ITGB2: variants seen among roughly 807,000 people sequenced by gnomAD.
ITGB2 encodes the protein integrin beta-2.
In ITGB2, 56 loss-of-function variants were observed where a neutral mutation model predicts 86.8. The ratio of observed to expected loss-of-function variants is 0.65; its 90% confidence interval spans 0.52 to 0.81. The LOEUF (loss-of-function observed/expected upper bound fraction) is 0.81, where lower values mean the gene tolerates loss of function less well. Ranked by LOEUF, ITGB2 falls within the 30% of genes least tolerant of loss-of-function variation. The probability of loss-of-function intolerance (pLI) is 0.00; values close to 1 mark genes in which losing one functional copy is unlikely to be tolerated. For missense variants in ITGB2, 948 were observed against 1,061.2 expected, an observed-to-expected ratio of 0.89 and a Z score of 1.48; for synonymous variants, 457 against 450.4, an observed-to-expected ratio of 1.01 and a Z score of -0.19.
chr21:44,889,122 C>G (rs556820920), intron 13 of ITGB2, 154 bp downstream of exon 13: 2 of 757,034 alleles, frequency 2.6e-6, no homozygotes, highest in Non-Finnish European at 4.4e-6. Context: ...CACAGGGGCA[C>G]GGCGGCCGCG....
chr21:44,927,201 G>T (rs4818984), intron 1 of ITGB2, among the ~76,000 whole-genome samples: 1 of 152,062 alleles, frequency 6.6e-6, no homozygotes, highest in African/African-American at 2.4e-5. Context: ...CCCCATAGGA[G>T]CAGGGTTTGA....
At position 44,886,739 on chromosome 21, in the gene ITGB2, G is replaced by A. The variant is rs1215883082; in HGVS notation, c.2244C>T (p.Asn748=). 1 of 1,614,074 alleles carries A rather than the reference G, an allele frequency of 6.2e-7. No individual in the cohort carries two copies. Among genetic ancestry groups the A allele is most frequent in the Non-Finnish European group, 8.5e-7 (1 of 1,180,024 alleles). ...FEKEKLKSQW[N]NDNPLFKSAT... ...ACCCCCAAGGACGGCCACTTACATT[G>A]TTCCACTGGGACTTGAGCTTCTCCT... Residue 748 remains asparagine (N), a synonymous_variant, in exon 15 of 16, where the codon AAC becomes AAT. Transcript: ENST00000652462.
intron 1 of ITGB2, among the ~76,000 whole-genome samples, chr21:44,912,623 G>A (rs569917716): frequency 1.3e-5 from 2 of 152,192 alleles, no homozygotes; most frequent in Non-Finnish European, 2.9e-5. Context: ...GTGTCTGAAA[G>A]CCCCCATATC....
intron 1 of ITGB2, among the ~76,000 whole-genome samples, chr21:44,915,832 G>A (rs768178237): frequency 2.6e-5 from 4 of 152,142 alleles, no homozygotes; most frequent in Admixed American, 1.3e-4. Flanking sequence ...CTGAACCTGC[G>A]ACCCTGCAAA....
intron 10 of ITGB2, 44 bp from the exon 11 acceptor site, chr21:44,892,040 G>C: frequency 3.8e-6 from 6 of 1,590,110 alleles, no homozygotes; most frequent in Non-Finnish European, 5.1e-6. Context: ...TCGGTGGCCA[G>C]GGTGGCAGCC....
chr21:44,914,907 T>C (rs1443587886), intron 1 of ITGB2, among the ~76,000 whole-genome samples: 1 of 150,978 alleles, frequency 6.6e-6, no homozygotes, highest in African/African-American at 2.4e-5. Flanking sequence ...AACTCCAGCC[T>C]AGTTGACAGA....
intron 8 of ITGB2, among the ~76,000 whole-genome samples, chr21:44,897,526 A>T (rs1477550828): frequency 1.3e-5 from 2 of 152,134 alleles, no homozygotes; most frequent in Non-Finnish European, 2.9e-5. Context: ...TGCTCTGTGA[A>T]TTCCCTGAGT....
Position 44,886,345 on chromosome 21 carries a change from G to A in ITGB2, c.*23C>T, listed in dbSNP as rs199697863. The A allele has an allele frequency of 3.1e-4, 492 of 1,610,006 alleles. 1 individual carries two copies. In the African/African-American group the frequency reaches 5.8e-3, roughly 19 times the overall value. ...TGGGGCAGACATGGTGGGTCCTGACGGCCTTGTCTTCACCAAGTGCTCCTA... is the reference window on the plus strand; with the variant it reads ...TGGGGCAGACATGGTGGGTCCTGACAGCCTTGTCTTCACCAAGTGCTCCTA... On this transcript the variant is annotated 3_prime_UTR_variant, in exon 16 of 16. Coordinates refer to ENST00000652462, the MANE Select transcript of ITGB2 (RefSeq NM_000211.5).
intron 3 of ITGB2, chr21:44,908,263 C>T (rs2084074575): frequency 1.7e-6 from 1 of 588,972 alleles, no homozygotes; most frequent in African/African-American, 1.9e-5. Flanking sequence ...CCCTCCCCTT[C>T]TTCTCCACCC....
chr21:44,925,905 C>T (rs1166492068), intron 1 of ITGB2, among the ~76,000 whole-genome samples: 1 of 152,060 alleles, frequency 6.6e-6, no homozygotes, highest in East Asian at 1.9e-4. Context: ...GGTGAAACCT[C>T]GTCTCTACTA....
intron 8 of ITGB2, among the ~76,000 whole-genome samples, chr21:44,898,054 G>C (rs1350063200): frequency 6.9e-6 from 1 of 143,928 alleles, no homozygotes; most frequent in Non-Finnish European, 1.6e-5. Context: ...CCCGATGGGG[G>C]TGTCATTGTT....
At chr21:44,892,726 C>T (rs1315772408) in intron 10 of ITGB2, among the ~76,000 whole-genome samples, 1 of 146,476 alleles carries the variant, frequency 6.8e-6, no homozygotes, top group Non-Finnish European at 1.5e-5. Context: ...TATTATTTCA[C>T]AGCTAGCAAA....
Position 44,888,795 on chromosome 21 carries a change from T to G in ITGB2, c.1978A>C (p.Arg660=), listed in dbSNP as rs1384764180. 6.2e-7 allele frequency: 1 copy of G among 1,612,048 alleles called. No individual in the cohort carries two copies. Among genetic ancestry groups the G allele is most frequent in the South Asian group, 1.1e-5 (1 of 91,090 alleles). ...LQLSNNPVKG[R]TCKERDSEGC... ...TCTGAGTCCCTCTCCTTGCAGGTCC[T>G]GCCCTTCACGGGGTTGTTCGACAGC... Residue 660 remains arginine (R), a synonymous_variant, in exon 14 of 16, where the codon AGG becomes CGG. Coordinates refer to ENST00000652462, the MANE Select transcript of ITGB2 (RefSeq NM_000211.5).
At position 44,926,134 on chromosome 21, in the gene ITGB2, T is replaced by TAAA. The variant is rs750485867; in HGVS notation, c.-4+2519_-4+2520insTTT. Among the ~76,000 whole-genome samples, 929 of 149,772 alleles carry TAAA rather than the reference T, an allele frequency of 6.2e-3. 11 individuals carry two copies. Among genetic ancestry groups the TAAA allele is most frequent in the African/African-American group, 0.019 (771 of 39,834 alleles). ...AATATATATACAATAAATAAATAAA[T>TAAA]TAATTAATTAATTAAATAAAGGCTG... On this transcript the variant is annotated intron_variant, in intron 1 of 15. Transcript: ENST00000355153.
At chr21:44,900,783 C>T (rs994777429) in intron 6 of ITGB2, among the ~76,000 whole-genome samples, 4 of 152,236 alleles carry the variant, frequency 2.6e-5, no homozygotes, top group African/African-American at 4.8e-5. Flanking sequence ...GAAACCATCC[C>T]CAAGGGGAAA....
At chr21:44,904,909 G>C (rs956347017) in intron 4 of ITGB2, among the ~76,000 whole-genome samples, 2 of 152,122 alleles carry the variant, frequency 1.3e-5, no homozygotes, top group Non-Finnish European at 2.9e-5. Flanking sequence ...TCCTGGCCCT[G>C]GCCCTCGCCC....
In ITGB2 at chr21:44,893,416, C is replaced by T. The variant is rs756174661; in HGVS notation, c.1212G>A (p.Gln404=). ...TGGCCAGGCTCACCGGGACATTGATCTGCACGCCATCACAGTCACCTCTGG... is the reference window on the plus strand; with the variant it reads ...TGGCCAGGCTCACCGGGACATTGATTTGCACGCCATCACAGTCACCTCTGG... The part of the protein sequence containing the change: ...NQPRGDCDGV[Q]INVPITFQVK... Residue 404 remains glutamine, a synonymous_variant, in exon 10 of 16, where the codon CAG becomes CAA. Transcript: ENST00000652462. 6.8e-6 allele frequency: 11 copies of T among 1,614,036 alleles called. No individual in the cohort carries two copies. Among genetic ancestry groups the T allele is most frequent in the Admixed American group, 1.7e-5 (1 of 60,016 alleles).
chr21:44,908,397 A>G (rs1166100220), intron 3 of ITGB2, among the ~76,000 whole-genome samples: 2 of 150,378 alleles, frequency 1.3e-5, no homozygotes, highest in African/African-American at 5.0e-5. Context: ...GGTTAAACTA[A>G]TAATATTATT....
chr21:44,912,454 C>T (rs2084148621), intron 1 of ITGB2, among the ~76,000 whole-genome samples: 1 of 152,242 alleles, frequency 6.6e-6, no homozygotes, highest in South Asian at 2.1e-4. Flanking sequence ...GTTGTTTTGG[C>T]AGTGACCTCA....
Sources: gnomAD v4.1 joint callset for allele counts (sites outside exome capture counted in the v4.1 genomes callset) on GRCh38, gnomAD v4.1.1 for gene constraint, MANE v1.5 for transcripts, NCBI Gene and HGNC (gene_info 2026-07-23, HGNC 2026-07-21) for gene names.